The following LDLRAD3 variants were observed in gnomAD, a reference collection of about 807,000 sequenced individuals.
LDLRAD3 encodes low density lipoprotein receptor class A domain containing 3.
In LDLRAD3, 20 loss-of-function variants were observed where a neutral mutation model predicts 29.4. That is an observed-to-expected ratio of 0.68 (90% CI 0.48 to 0.99). The LOEUF is 0.99. Ranked by LOEUF, LDLRAD3 falls within the 50% of genes least tolerant of loss-of-function variation. The probability of loss-of-function intolerance (pLI) is 0.00; values close to 1 mark genes in which losing one functional copy is unlikely to be tolerated. For synonymous variants in LDLRAD3, 157 were observed against 192.7 expected, an observed-to-expected ratio of 0.81 and a Z score of 1.53; for missense variants, 420 against 454.3, an observed-to-expected ratio of 0.92 and a Z score of 0.69.
chr11:36,118,472 A>G (rs1213494307), intron 4 of LDLRAD3, among the ~76,000 whole-genome samples: 3 of 151,324 alleles, frequency 2.0e-5, no homozygotes, highest in Non-Finnish European at 4.4e-5. Context: ...CATGTCTCCA[A>G]ACAGAAGTGA....
At chr11:36,034,321 G>A (rs1013899669) in intron 1 of LDLRAD3, among the ~76,000 whole-genome samples, 3 of 152,150 alleles carry the variant, frequency 2.0e-5, no homozygotes, top group African/African-American at 7.2e-5. Flanking sequence ...GGGAAGTTGT[G>A]CTGTGCAGCA....
chr11:36,057,566 A>G (rs554410867), intron 2 of LDLRAD3, among the ~76,000 whole-genome samples: 2 of 152,266 alleles, frequency 1.3e-5, no homozygotes, highest in East Asian at 3.9e-4. Context: ...GCAAATGTTG[A>G]AATACGCTAT....
intron 2 of LDLRAD3, among the ~76,000 whole-genome samples, chr11:36,053,648 G>T (rs889668233): frequency 1.3e-4 from 20 of 152,194 alleles, no homozygotes; most frequent in African/African-American, 4.8e-4. Flanking sequence ...GAAGTGACTG[G>T]TGCACATCTG....
chr11:36,114,076 A>G (rs999722404), intron 4 of LDLRAD3, among the ~76,000 whole-genome samples: 1 of 152,220 alleles, frequency 6.6e-6, no homozygotes. Context: ...GATTAGCCAC[A>G]GTCTTTGCCA....
chr11:36,176,716 C>T (rs1437518533), intron 4 of LDLRAD3, among the ~76,000 whole-genome samples: 1 of 152,132 alleles, frequency 6.6e-6, no homozygotes, highest in Non-Finnish European at 1.5e-5. Context: ...TATAGGTTAC[C>T]TGATGCTTTT....
intron 4 of LDLRAD3, among the ~76,000 whole-genome samples, chr11:36,104,767 A>C (rs1361476145): frequency 1.3e-5 from 2 of 152,178 alleles, no homozygotes; most frequent in Non-Finnish European, 2.9e-5. Context: ...TGGTGGAGCC[A>C]GGATGGGGAC....
chr11:36,222,577 A>G (rs905246200), intron 4 of LDLRAD3, among the ~76,000 whole-genome samples: 1 of 152,094 alleles, frequency 6.6e-6, no homozygotes, highest in Admixed American at 6.5e-5. Flanking sequence ...TAGGCGAAAA[A>G]TGGTATCCGG....
chr11:35,969,220 G>C (rs564467771), intron 1 of LDLRAD3, among the ~76,000 whole-genome samples: 2 of 152,152 alleles, frequency 1.3e-5, no homozygotes, highest in African/African-American at 4.8e-5. Context: ...CTCTGCTCAC[G>C]CTGGTGTGAA....
At chr11:36,020,795 T>C (rs1852085664) in intron 1 of LDLRAD3, among the ~76,000 whole-genome samples, 1 of 152,144 alleles carries the variant, frequency 6.6e-6, no homozygotes, top group Admixed American at 6.5e-5. Flanking sequence ...ACCTTGAGTT[T>C]TACCCGCTGT....
chr11:36,061,591 A>G (rs1269760874), intron 2 of LDLRAD3, among the ~76,000 whole-genome samples: 1 of 152,194 alleles, frequency 6.6e-6, no homozygotes, highest in Admixed American at 6.5e-5. Context: ...ACAAAAACCC[A>G]CAATAAATGA....
At position 36,038,963 on chromosome 11, in the gene LDLRAD3, A is replaced by ATTTC. The variant is rs771276744; in HGVS notation, c.193+2722_193+2725dup. Among the ~76,000 whole-genome samples, 178 of 88,266 alleles carry ATTTC rather than the reference A, an allele frequency of 2.0e-3. 1 individual carries two copies. Among genetic ancestry groups the ATTTC allele is most frequent in the Non-Finnish European group, 3.7e-3 (128 of 34,600 alleles). 57.9% of individuals were successfully genotyped at this position (88,266 alleles called of 152,430 possible). A position where few individuals can be genotyped will look rare whatever the true frequency, so the allele number is the denominator to read the frequency against. On this transcript the variant is annotated intron_variant, in intron 2 of 5. Transcript: ENST00000315571. ...AAAACAAATTCTACTTTCATTTAAAATTTCTTTCTTTTTTTTTTTTTTTTA... is the reference window on the plus strand; with the variant it reads ...AAAACAAATTCTACTTTCATTTAAAATTTCTTTCTTTCTTTTTTTTTTTTTTTTA...
intron 2 of LDLRAD3, among the ~76,000 whole-genome samples, chr11:36,042,108 A>G (rs549415709): frequency 6.6e-6 from 1 of 152,230 alleles, no homozygotes; most frequent in Admixed American, 6.5e-5. Context: ...ATCACCACGA[A>G]ATATAAGAGC....
At chr11:36,219,585 A>G (rs972380414) in intron 4 of LDLRAD3, among the ~76,000 whole-genome samples, 1 of 152,196 alleles carries the variant, frequency 6.6e-6, no homozygotes, top group Non-Finnish European at 1.5e-5. Context: ...GTGTTAGAAA[A>G]ATTGGAAAGC....
chr11:36,168,018 G>A (rs941895434), intron 4 of LDLRAD3, among the ~76,000 whole-genome samples: 1 of 152,114 alleles, frequency 6.6e-6, no homozygotes, highest in Admixed American at 6.6e-5. Context: ...TTAGACTCCC[G>A]AGTTGGTCTG....
At chr11:36,144,078 G>A (rs1382323670) in intron 4 of LDLRAD3, among the ~76,000 whole-genome samples, 23 of 152,042 alleles carry the variant, frequency 1.5e-4, no homozygotes, top group Non-Finnish European at 2.8e-4. Flanking sequence ...GCAGGCGCGC[G>A]CCACCACGCC....
At chr11:36,197,340 A>C (rs889141344) in intron 4 of LDLRAD3, 7 of 151,964 alleles carry the variant, frequency 4.6e-5, no homozygotes, top group Non-Finnish European at 1.0e-4. Flanking sequence ...CATATTTATG[A>C]GGTGCCTCTG....
intron 1 of LDLRAD3, chr11:35,988,869 C>G (rs1286317500): frequency 6.6e-6 from 1 of 151,548 alleles, no homozygotes; most frequent in East Asian, 2.0e-4. Flanking sequence ...AGGCGTGAGT[C>G]ACCATGCCTG....
intron 4 of LDLRAD3, among the ~76,000 whole-genome samples, chr11:36,200,654 A>G (rs1375218300): frequency 1.3e-5 from 2 of 152,196 alleles, no homozygotes; most frequent in African/African-American, 4.8e-5. Flanking sequence ...TGTTGGCACC[A>G]AATGCCTGCT....
chr11:35,967,603 C>T (rs1851357906), intron 1 of LDLRAD3: 2 of 453,810 alleles, frequency 4.4e-6, no homozygotes, highest in African/African-American at 4.1e-5. Flanking sequence ...CAGAGAGAAA[C>T]TAATCAGCTT....
Sources: gnomAD v4.1 joint callset for allele counts (sites outside exome capture counted in the v4.1 genomes callset) on GRCh38, gnomAD v4.1.1 for gene constraint, MANE v1.5 for transcripts, NCBI Gene and HGNC (gene_info 2026-07-23, HGNC 2026-07-21) for gene names.